RASGEF1A: variants seen among roughly 807,000 people sequenced by gnomAD.
RASGEF1A encodes ras-GEF domain-containing family member 1A.
Under a neutral mutation model 56.4 loss-of-function variants are expected in RASGEF1A, and 18 were observed. That is an observed-to-expected ratio of 0.32 (90% confidence interval 0.22 to 0.47). RASGEF1A has a LOEUF of 0.47. Ranked by LOEUF, RASGEF1A falls within the 20% of genes least tolerant of loss-of-function variation. The pLI is 1.00. For synonymous variants in RASGEF1A, 245 were observed against 242.6 expected (o/e 1.01, Z -0.09); for missense variants, 422 against 627.1 (o/e 0.67, Z 3.49).
At chr10:43,261,472 C>T (rs544395198) in intron 1 of RASGEF1A, among the ~76,000 whole-genome samples, 31 of 152,346 alleles carry the variant, frequency 2.0e-4, no homozygotes, top group African/African-American at 6.5e-4. Flanking sequence ...GGCCTGGCCT[C>T]GCCAGTGGGG....
intron 1 of RASGEF1A, among the ~76,000 whole-genome samples, chr10:43,257,618 G>A (rs369811564): frequency 6.6e-6 from 1 of 152,338 alleles, no homozygotes; most frequent in East Asian, 1.9e-4. Context: ...TCCCCAGGGG[G>A]TAGTGACTGC....
At chr10:43,261,843 C>T (rs953665052) in intron 1 of RASGEF1A, among the ~76,000 whole-genome samples, 2 of 152,226 alleles carry the variant, frequency 1.3e-5, no homozygotes, top group African/African-American at 2.4e-5. Context: ...ATGCTCAGAG[C>T]ACCGGCCAGA....
rs1417791932 is a variant in RASGEF1A, at chr10:43,195,083, G to GAC, written c.*1160_*1161insGT. The GAC allele has an allele frequency of 6.6e-6, 1 of 151,498 alleles. No homozygotes were observed. The highest frequency in any genetic ancestry group is 2.4e-5 in the African/African-American group (1 of 41,174). The allele number at this position is 151,498 out of a possible 1,614,324, so 9.4% of individuals were successfully genotyped here. A position where few individuals can be genotyped will look rare whatever the true frequency, so the allele number is the denominator to read the frequency against. ...GGCTCCTGCGGAAACTGGGAATGCA[G>GAC]AGGGACAAGGATGCGGAGTTCCTGC... On this transcript the variant is annotated 3_prime_UTR_variant, in exon 13 of 13. Transcript: ENST00000395810. This position sits in a 1 kb window ranked among gnomAD's most constrained non-coding sequence, Gnocchi z 4.2.
At chr10:43,250,235 G>A (rs1042256180) in intron 1 of RASGEF1A, among the ~76,000 whole-genome samples, 9 of 152,212 alleles carry the variant, frequency 5.9e-5, no homozygotes, top group South Asian at 2.1e-4. Flanking sequence ...CCAGCTGCCC[G>A]GACACTGGTT....
intron 1 of RASGEF1A, chr10:43,207,832 A>G (rs990456398): frequency 1.8e-6 from 1 of 563,518 alleles, no homozygotes; most frequent in African/African-American, 2.0e-5. Context: ...ATGTGAGCCA[A>G]TCCTTCATTT....
chr10:43,208,304 G>A (rs974360998), intron 1 of RASGEF1A: 331 of 985,540 alleles, frequency 3.4e-4, no homozygotes, highest in Non-Finnish European at 3.8e-4. Flanking sequence ...GTAGTATGTG[G>A]GGGATGCACT....
At chr10:43,199,344 G>A (rs1344821342) in intron 7 of RASGEF1A, 150 bp from the exon 8 acceptor site, 4 of 679,022 alleles carry the variant, frequency 5.9e-6, no homozygotes, top group Non-Finnish European at 1.1e-5. Context: ...GCGTCTGGGA[G>A]GTCCAGACAT....
intron 1 of RASGEF1A, among the ~76,000 whole-genome samples, chr10:43,261,864 C>A (rs1836534666): frequency 6.6e-6 from 1 of 152,228 alleles, no homozygotes; most frequent in Non-Finnish European, 1.5e-5. Flanking sequence ...AAAAGCTGGG[C>A]ACAGAACTAG....
chr10:43,248,056 A>G (rs1301544281), intron 1 of RASGEF1A, among the ~76,000 whole-genome samples: 1 of 12,090 alleles, frequency 8.3e-5, no homozygotes, highest in African/African-American at 1.8e-4. Context: ...AATAAGATTA[A>G]AAAAAAAAAA....
At chr10:43,207,200 GGCA>G in intron 1 of RASGEF1A, 1 of 985,520 alleles carries the variant, frequency 1.0e-6, no homozygotes, top group Non-Finnish European at 1.2e-6. Flanking sequence ...CTCAAGGGAA[GGCA>G]GCACAGGTGC....
intron 1 of RASGEF1A, among the ~76,000 whole-genome samples, chr10:43,242,229 T>C (rs1410290094): frequency 6.6e-6 from 1 of 152,090 alleles, no homozygotes; most frequent in Non-Finnish European, 1.5e-5. Context: ...TATATTAATA[T>C]TAGAGAAAAT....
chr10:43,205,202 T>C (rs1159007372), intron 2 of RASGEF1A, among the ~76,000 whole-genome samples: 1 of 152,130 alleles, frequency 6.6e-6, no homozygotes, highest in Non-Finnish European at 1.5e-5. Flanking sequence ...GATAGCATGA[T>C]GCGGGCAGGA....
chr10:43,198,904 C>T (rs749799257), intron 9 of RASGEF1A, 29 bp downstream of exon 9: 8 of 1,573,700 alleles, frequency 5.1e-6, no homozygotes, highest in African/African-American at 1.4e-5. Context: ...GGGTGCAGCT[C>T]GCAGCTGTGA....
chr10:43,229,810 G>A (rs1289879805), intron 1 of RASGEF1A: 3 of 1,181,712 alleles, frequency 2.5e-6, no homozygotes, highest in Non-Finnish European at 3.3e-6. Context: ...AGGGAACCGA[G>A]GGGCTGGGCT....
intron 1 of RASGEF1A, among the ~76,000 whole-genome samples, chr10:43,218,797 G>A (rs1234146655): frequency 9.2e-5 from 14 of 152,400 alleles, no homozygotes; most frequent in Admixed American, 6.5e-5. Context: ...CAGGGCGCCC[G>A]CTCCAGAGGC....
chr10:43,200,909 A>AG, intron 4 of RASGEF1A, 21 bp from the exon 5 acceptor site: 1 of 1,604,844 alleles, frequency 6.2e-7, no homozygotes, highest in Non-Finnish European at 8.5e-7. Context: ...AAGGGCAATA[A>AG]GGGTGCCAGC....
At chr10:43,203,683 A>ATTCT (rs1426738118) in intron 2 of RASGEF1A, 1 of 1,180,286 alleles carries the variant, frequency 8.5e-7, no homozygotes, top group Non-Finnish European at 1.1e-6. Flanking sequence ...CTCCGCTGGG[A>ATTCT]TTCTCCCCCT....
intron 2 of RASGEF1A, 27 bp downstream of exon 2, chr10:43,205,892 T>C (rs1157473793): frequency 6.3e-7 from 1 of 1,583,106 alleles, no homozygotes; most frequent in Non-Finnish European, 8.7e-7. Context: ...CCCATTAGTC[T>C]CACTCCACAA....
At chr10:43,256,743 G>A (rs145796469) in intron 1 of RASGEF1A, among the ~76,000 whole-genome samples, 12 of 152,234 alleles carry the variant, frequency 7.9e-5, no homozygotes, top group Non-Finnish European at 1.2e-4. Context: ...CCCCACTCGC[G>A]CCATCTGCAC....
Sources: gnomAD v4.1 joint callset for allele counts (sites outside exome capture counted in the v4.1 genomes callset) on GRCh38, gnomAD v4.1.1 for gene constraint, Gnocchi (gnomAD v3.1) non-coding constraint, MANE v1.5 for transcripts, NCBI Gene and HGNC (gene_info 2026-07-23, HGNC 2026-07-21) for gene names.